KLF8: variants seen among roughly 807,000 people sequenced by gnomAD.
KLF8 encodes Krueppel-like factor 8.
In KLF8, 10 loss-of-function variants were observed where a neutral mutation model predicts 18.2. The ratio of observed to expected loss-of-function variants is 0.55; its 90% CI spans 0.34 to 0.93. The LOEUF is 0.93. KLF8 is among the 40% of genes least tolerant of loss of function. The pLI, the probability that KLF8 is intolerant of heterozygous loss-of-function variation, is 0.02. For synonymous variants in KLF8, 109 were observed against 97.3 expected (o/e 1.12, Z -0.71); for missense variants, 264 against 277.9 (o/e 0.95, Z 0.36).
At chrX:56,017,569 A>T in the KLF8 span, among the ~76,000 whole-genome samples, 1 of 112,089 alleles carries the variant, frequency 8.9e-6, no homozygotes, top group African/African-American at 3.2e-5. Context: ...ATGAAAAGTG[A>T]GCAAGTATTC....
chrX:55,925,732 T>C, the KLF8 span, among the ~76,000 whole-genome samples: 2 of 111,731 alleles, frequency 1.8e-5, no homozygotes, highest in Admixed American at 1.9e-4. Context: ...AGCTACATTT[T>C]TGAAGATGAA....
chrX:56,150,840 G>GT, the KLF8 span, among the ~76,000 whole-genome samples: 9 of 111,424 alleles, frequency 8.1e-5, no homozygotes, highest in Admixed American at 3.9e-4. Flanking sequence ...TGAAAGGAGG[G>GT]TTTTTTGCTG....
At chrX:56,213,480 TCTGA>T in the KLF8 span, among the ~76,000 whole-genome samples, 1 of 107,076 alleles carries the variant, frequency 9.3e-6, no homozygotes, top group Admixed American at 1.0e-4. Flanking sequence ...CACCACCACG[TCTGA>T]CTAATTTTTT....
At chrX:56,103,193 G>A in the KLF8 span, among the ~76,000 whole-genome samples, 3 of 109,792 alleles carry the variant, frequency 2.7e-5, no homozygotes, top group East Asian at 5.8e-4. Flanking sequence ...TGGCAATGTG[G>A]GCTCTTTTTT....
chrX:55,936,172 T>G, the KLF8 span, among the ~76,000 whole-genome samples: 2 of 112,347 alleles, frequency 1.8e-5, no homozygotes, highest in Non-Finnish European at 3.8e-5. Flanking sequence ...CTCAGTTACT[T>G]AAATAAATCA....
the KLF8 span, among the ~76,000 whole-genome samples, chrX:55,957,333 A>G: frequency 1.7e-4 from 19 of 112,213 alleles, no homozygotes; most frequent in Middle Eastern, 4.6e-3. Context: ...TGAAGCTTCC[A>G]AATTTGTTGT....
chrX:56,284,041 A>C (rs781407178), intron 5 of KLF8, among the ~76,000 whole-genome samples: 1 of 112,217 alleles, frequency 8.9e-6, no homozygotes, highest in South Asian at 3.7e-4. Context: ...TGTTCTTACC[A>C]CAAAAAAAGA....
At chrX:56,168,845 G>A in the KLF8 span, among the ~76,000 whole-genome samples, 1 of 111,257 alleles carries the variant, frequency 9.0e-6, no homozygotes. Flanking sequence ...TTTTATGGCT[G>A]CACACTATTC....
the KLF8 span, among the ~76,000 whole-genome samples, chrX:56,043,703 A>G: frequency 6.3e-5 from 7 of 111,870 alleles, no homozygotes; most frequent in Non-Finnish European, 1.1e-4. Context: ...CAGCTCCTGC[A>G]TTGTTTTATC....
At chrX:56,224,605 C>G in the KLF8 span, among the ~76,000 whole-genome samples, 5 of 111,507 alleles carry the variant, frequency 4.5e-5, no homozygotes, top group Admixed American at 3.8e-4. Context: ...GCATGTGTGT[C>G]GGTCTAATAA....
the KLF8 span, among the ~76,000 whole-genome samples, chrX:56,084,731 AT>A: frequency 8.9e-6 from 1 of 112,557 alleles, no homozygotes; most frequent in African/African-American, 3.2e-5. Context: ...AGCCATTGGA[AT>A]TTCAAATTCT....
chrX:56,017,161 A>G, the KLF8 span, among the ~76,000 whole-genome samples: 1 of 112,274 alleles, frequency 8.9e-6, no homozygotes, highest in Non-Finnish European at 1.9e-5. Flanking sequence ...CAGGATCTAT[A>G]TGTTTTTATT....
At chrX:56,102,131 G>C in the KLF8 span, among the ~76,000 whole-genome samples, 7 of 111,469 alleles carry the variant, frequency 6.3e-5, no homozygotes, top group Non-Finnish European at 1.3e-4. Context: ...TTTTGTTTAT[G>C]GTGAAAGCTA....
chrX:56,027,142 T>C, the KLF8 span, among the ~76,000 whole-genome samples: 1 of 112,646 alleles, frequency 8.9e-6, no homozygotes, highest in East Asian at 2.8e-4. Flanking sequence ...CTGGTAACTT[T>C]ATCCATCCTT....
chrX:56,195,398 T>C, the KLF8 span, among the ~76,000 whole-genome samples: 2 of 112,086 alleles, frequency 1.8e-5, no homozygotes, highest in African/African-American at 6.5e-5. Flanking sequence ...GATGACCTAA[T>C]GGAGCTGAAA....
At chrX:56,005,725 C>T in the KLF8 span, among the ~76,000 whole-genome samples, 1 of 111,598 alleles carries the variant, frequency 9.0e-6, no homozygotes, top group Non-Finnish European at 1.9e-5. Flanking sequence ...GAGGTGAGGT[C>T]CATCTGCATG....
At chrX:56,146,418 T>C in the KLF8 span, among the ~76,000 whole-genome samples, 2 of 111,499 alleles carry the variant, frequency 1.8e-5, no homozygotes, top group Non-Finnish European at 3.8e-5. Flanking sequence ...TGCAGAGACA[T>C]GGATGAAGCT....
chrX:56,243,283 G>T, intron 1 of KLF8: 1 of 406,106 alleles, frequency 2.5e-6, no homozygotes, highest in Non-Finnish European at 4.5e-6. Context: ...TGAGGGGTGT[G>T]TGGATCTTCT....
At chrX:56,113,540 A>C in the KLF8 span, among the ~76,000 whole-genome samples, 2 of 92,113 alleles carry the variant, frequency 2.2e-5, no homozygotes, top group Non-Finnish European at 4.1e-5. Context: ...TCAGACAGTG[A>C]CCTGGCAGGG....
Sources: gnomAD v4.1 joint callset for allele counts (sites outside exome capture counted in the v4.1 genomes callset) on GRCh38, gnomAD v4.1.1 for gene constraint, MANE v1.5 for transcripts, NCBI Gene and HGNC (gene_info 2026-07-23, HGNC 2026-07-21) for gene names.